The following FOXP4 variants were observed in gnomAD, a reference collection of about 807,000 sequenced individuals.
The protein encoded by FOXP4 is forkhead box protein P4.
In FOXP4, 25 loss-of-function variants were observed where a neutral mutation model predicts 82.6. The observed-to-expected ratio is 0.30, with a 90% CI of 0.22 to 0.42. The LOEUF (loss-of-function observed/expected upper bound fraction) is 0.42, where lower values mean the gene tolerates loss of function less well. Among genes scored for constraint, FOXP4 ranks in the 10% least tolerant of loss-of-function variants. The pLI is 1.00. For missense variants in FOXP4, 785 were observed against 900.9 expected (o/e 0.87, Z 1.65); for synonymous variants, 415 against 388.2 (o/e 1.07, Z -0.81).
In FOXP4 at chr6:41,578,035, G is replaced by A. The variant is rs1399099395; in HGVS notation, c.254G>A (p.Ser85Asn). 1.9e-6 allele frequency: 3 copies of A among 1,613,344 alleles called. No homozygotes were observed. The highest frequency in any genetic ancestry group is 2.7e-5 in the African/African-American group (2 of 74,910). ...CTGCTGCAGCAGGCCTCAGGCCTGA[G>A]CTCCCCAGGGAACAATGACAGCAAA... ...QFLLQQASGL[S>N]SPGNNDSKQS... Residue 85 changes from serine to asparagine, a missense_variant, in exon 3 of 17, where the codon AGC (serine) becomes AAC (asparagine). Physicochemically the swap from Ser to Asn is conservative, Grantham distance 46. Transcript: ENST00000307972.
At chr6:41,584,174 G>A (rs1226725276) in intron 3 of FOXP4, among the ~76,000 whole-genome samples, 3 of 152,218 alleles carry the variant, frequency 2.0e-5, no homozygotes, top group Non-Finnish European at 4.4e-5. Context: ...CTTCACCTCT[G>A]GCCACTGTGT....
chr6:41,593,877 G>A lies in FOXP4; in HGVS notation c.1537-993G>A, dbSNP rs1232617112. The stretch of plus-strand genomic sequence containing the variant: ...GCCTGCCCTACCCGCTTTCTTCCCC[G>A]TTTAGAAATGTAAAGAGGAGACAAG... On this transcript the variant is annotated intron_variant, in intron 13 of 16. Transcript: ENST00000307972. This position sits in a 1 kb window ranked among gnomAD's most constrained non-coding sequence, Gnocchi z 4.1. Among the ~76,000 whole-genome samples, 1 of 152,186 alleles carries A rather than the reference G, an allele frequency of 6.6e-6. No homozygotes were observed. The highest frequency in any genetic ancestry group is 1.5e-5 in the Non-Finnish European group (1 of 68,036).
At chr6:41,597,091 A>AG in intron 14 of FOXP4, 85 bp from the exon 15 acceptor site, 1 of 1,415,178 alleles carries the variant, frequency 7.1e-7, no homozygotes, top group Middle Eastern at 1.8e-4. Flanking sequence ...TTCCCAGCAC[A>AG]GGCCGTTACT....
At chr6:41,564,272 C>A (rs1764750855) in intron 1 of FOXP4, among the ~76,000 whole-genome samples, 1 of 152,022 alleles carries the variant, frequency 6.6e-6, no homozygotes, top group Non-Finnish European at 1.5e-5. Flanking sequence ...TGGCTAACAT[C>A]TCTACTAATG....
chr6:41,593,826 G>A lies in FOXP4; in HGVS notation c.1537-1044G>A, dbSNP rs1301077018. ...TGGCAAGAGTTGGAAGGGAGAGAGG[G>A]AGAGGGATCTCCAGGGGCACGGGCT... On this transcript the variant is annotated intron_variant, in intron 13 of 16. Transcript: ENST00000307972. The surrounding 1 kb of genome is among the most constrained non-coding windows in gnomAD (Gnocchi z 4.1). Among the ~76,000 whole-genome samples the A allele has an allele frequency of 1.3e-5, 2 of 152,200 alleles. No homozygotes were observed. Among genetic ancestry groups the A allele is most frequent in the African/African-American group, 4.8e-5 (2 of 41,446 alleles).
intron 15 of FOXP4, 118 bp from the exon 16 acceptor site, chr6:41,597,663 T>TG: frequency 1.5e-6 from 2 of 1,308,286 alleles, no homozygotes; most frequent in South Asian, 2.8e-5. Context: ...GATCCGCCCG[T>TG]GGGGCCAGTA....
intron 9 of FOXP4, among the ~76,000 whole-genome samples, chr6:41,589,537 T>C (rs1041856068): frequency 6.6e-6 from 1 of 152,098 alleles, no homozygotes; most frequent in Non-Finnish European, 1.5e-5. Flanking sequence ...GCTCAAATGG[T>C]CACCATCCAG....
chr6:41,594,530 A>G (rs956901503), intron 13 of FOXP4, among the ~76,000 whole-genome samples: 7 of 152,180 alleles, frequency 4.6e-5, no homozygotes, highest in African/African-American at 1.4e-4. Context: ...TAACAATTAC[A>G]TGTGTCTTTG....
At chr6:41,559,973 A>G (rs1485514792) in intron 1 of FOXP4, among the ~76,000 whole-genome samples, 1 of 152,216 alleles carries the variant, frequency 6.6e-6, no homozygotes, top group African/African-American at 2.4e-5. Flanking sequence ...GTGGTCCGTC[A>G]TTCTCATCTT....
At chr6:41,562,095 C>T (rs768911541) in intron 1 of FOXP4, among the ~76,000 whole-genome samples, 58 of 152,214 alleles carry the variant, frequency 3.8e-4, no homozygotes, top group Admixed American at 1.0e-3. Flanking sequence ...GCTGTCGCGG[C>T]GCCCTGTGGA....
intron 13 of FOXP4, 145 bp from the exon 14 acceptor site, chr6:41,594,725 C>T (rs1315452292): frequency 2.3e-6 from 3 of 1,289,258 alleles, no homozygotes; most frequent in Non-Finnish European, 3.2e-6. Flanking sequence ...GCTGGGTCTC[C>T]TCCCAGCCCA....
intron 3 of FOXP4, among the ~76,000 whole-genome samples, chr6:41,580,155 C>T (rs573504945): frequency 4.0e-5 from 6 of 151,482 alleles, no homozygotes; most frequent in African/African-American, 1.5e-4. Context: ...AGTTTTCCTG[C>T]CTCAGTCTCC....
chr6:41,579,773 T>C (rs968879134), intron 3 of FOXP4, among the ~76,000 whole-genome samples: 1 of 152,206 alleles, frequency 6.6e-6, no homozygotes. Flanking sequence ...CAAAAATTCA[T>C]TGATTGATTC....
intron 3 of FOXP4, among the ~76,000 whole-genome samples, chr6:41,581,854 C>T (rs1219406450): frequency 6.6e-6 from 1 of 152,264 alleles, no homozygotes. Context: ...TCCCCTGCTT[C>T]CAAGGAAGAA....
At chr6:41,587,190 A>C in intron 6 of FOXP4, 34 bp downstream of exon 6, 1 of 1,608,972 alleles carries the variant, frequency 6.2e-7, no homozygotes, top group Non-Finnish European at 8.5e-7. Context: ...TCCCAGCCCC[A>C]ACCCCACAGC....
chr6:41,595,709 TCTC>T (rs766003963), intron 14 of FOXP4, among the ~76,000 whole-genome samples: 93 of 152,098 alleles, frequency 6.1e-4, no homozygotes, highest in Middle Eastern at 3.4e-3. Context: ...TTCAAGCAAT[TCTC>T]CTGCCCCAGC....
In FOXP4 at chr6:41,591,760, C is replaced by T. The variant is rs541867768; in HGVS notation, c.1536+438C>T. 1.4e-3 allele frequency among the ~76,000 whole-genome samples: 217 copies of T among 152,294 alleles called. 5 individuals carry two copies. Among genetic ancestry groups the T allele is most frequent in the Admixed American group, 0.014 (210 of 15,300 alleles). The stretch of plus-strand genomic sequence containing the variant: ...CTAGGAAAGCGCAGGTATAGACACA[C>T]GGATGGACCAAGAGCCGTGGACCAC... On this transcript the variant is annotated intron_variant, in intron 13 of 16. Transcript: ENST00000307972. The surrounding 1 kb of genome is among the most constrained non-coding windows in gnomAD (Gnocchi z 4.2).
chr6:41,599,518 ACTGT>A lies in FOXP4; in HGVS notation c.*587_*590del, dbSNP rs1481338736. 2.0e-5 allele frequency: 3 copies of A among 153,136 alleles called. No homozygotes were observed. The highest frequency in any genetic ancestry group is 2.9e-5 in the Non-Finnish European group (2 of 68,754). 9.5% of individuals were successfully genotyped at this position (153,136 alleles called of 1,614,324 possible). A position where few individuals can be genotyped will look rare whatever the true frequency, so the allele number is the denominator to read the frequency against. ...CAGCCCCCTCTGCTGCTGGGGTGGG[ACTGT>A]CTGTGTGCCCTGTGGGGGTCCGTGT... On this transcript the variant is annotated 3_prime_UTR_variant, in exon 17 of 17. Coordinates refer to ENST00000307972, the MANE Select transcript of FOXP4 (RefSeq NM_001012426.2).
chr6:41,594,372 C>A (rs1187970901), intron 13 of FOXP4, among the ~76,000 whole-genome samples: 1 of 152,130 alleles, frequency 6.6e-6, no homozygotes, highest in Non-Finnish European at 1.5e-5. Flanking sequence ...TCCTGTGGGT[C>A]AGTGGAGGTG....
Sources: allele counts gnomAD v4.1 joint callset (sites outside exome capture counted in the v4.1 genomes callset), GRCh38; gene constraint gnomAD v4.1.1; non-coding constraint Gnocchi (gnomAD v3.1); transcripts MANE v1.5; gene names NCBI Gene and HGNC (gene_info 2026-07-23, HGNC 2026-07-21).